Variants in STK24 observed in about 807,000 individuals in gnomAD.
STK24 encodes serine/threonine-protein kinase 24.
STK24 carries 21 observed loss-of-function variants against 55.6 expected under a neutral mutation model. That is an observed-to-expected ratio of 0.38 (90% CI 0.27 to 0.54). The LOEUF (loss-of-function observed/expected upper bound fraction) is 0.54. Ranked by LOEUF, STK24 falls within the 20% of genes least tolerant of loss-of-function variation. The pLI is 0.79. For synonymous variants in STK24, 200 were observed against 215.2 expected (o/e 0.93, Z 0.62); for missense variants, 383 against 538.4 (o/e 0.71, Z 2.86).
chr13:98,561,884 T>A (rs537550060), intron 1 of STK24, among the ~76,000 whole-genome samples: 2 of 141,168 alleles, frequency 1.4e-5, no homozygotes, highest in Non-Finnish European at 3.0e-5. Flanking sequence ...GGCTGAGGCA[T>A]GGGAATCGCT....
chr13:98,566,412 G>C (rs557812749), intron 1 of STK24, among the ~76,000 whole-genome samples: 11 of 152,200 alleles, frequency 7.2e-5, no homozygotes, highest in Non-Finnish European at 1.2e-4. Context: ...TCGGGAGGAA[G>C]GAAAAGAACA....
intron 5 of STK24, among the ~76,000 whole-genome samples, chr13:98,472,239 A>AC (rs757317236): frequency 2.0e-5 from 3 of 152,182 alleles, no homozygotes; most frequent in African/African-American, 4.8e-5. Flanking sequence ...CACAGACGTG[A>AC]CCCTCATCGG....
Position 98,447,169 on chromosome 13 carries a change from G to GC in STK24, c.*6003dup, listed in dbSNP as rs1162471787. 4.8e-6 allele frequency: 1 copy of GC among 208,766 alleles called. No homozygotes were observed. Among genetic ancestry groups the GC allele is most frequent in the African/African-American group, 2.3e-5 (1 of 43,640 alleles). 12.9% of individuals were successfully genotyped at this position (208,766 alleles called of 1,614,324 possible). ...GACTTCATTTAGCCAAGAAAGAAATGCAACAGTCAGGCCTAAGACTGTTCC... is the reference window on the plus strand; with the variant it reads ...GACTTCATTTAGCCAAGAAAGAAATGCCAACAGTCAGGCCTAAGACTGTTCC... On this transcript the variant is annotated 3_prime_UTR_variant, in exon 11 of 11. Transcript: ENST00000539966.
chr13:98,469,240 T>G (rs1180491809), intron 5 of STK24, among the ~76,000 whole-genome samples: 2 of 152,160 alleles, frequency 1.3e-5, no homozygotes, highest in Non-Finnish European at 2.9e-5. Flanking sequence ...GGGCAGCCAG[T>G]ACAGCACCAT....
intron 1 of STK24, among the ~76,000 whole-genome samples, chr13:98,538,040 C>T (rs1478531852): frequency 1.3e-5 from 2 of 152,058 alleles, no homozygotes; most frequent in East Asian, 3.9e-4. Flanking sequence ...AGCTTCCACC[C>T]TGGTTTTCTG....
In STK24 at chr13:98,576,800, GC is replaced by G; in HGVS notation, c.-15del. 7.2e-7 allele frequency: 1 copy of G among 1,382,048 alleles called. No homozygotes were observed. Among genetic ancestry groups the G allele is most frequent in the South Asian group, 1.5e-5 (1 of 67,902 alleles). The allele number at this position is 1,382,048 out of a possible 1,614,324, so 85.6% of individuals were successfully genotyped here. On this transcript the variant is annotated 5_prime_UTR_variant, in exon 1 of 11. Coordinates refer to ENST00000539966, the MANE Select transcript of STK24 (RefSeq NM_001032296.4). ...GGAGTGAGCCATGGCGCTCAGGACGGCCACTTCCTGGGACGGGACGGCCGGG... is the reference window on the plus strand; with the variant it reads ...GGAGTGAGCCATGGCGCTCAGGACGGCACTTCCTGGGACGGGACGGCCGGG...
chr13:98,446,430 GTCT>G lies in STK24; in HGVS notation c.*6740_*6742del, dbSNP rs1892839622. 1 of 603,180 alleles carries G rather than the reference GTCT, an allele frequency of 1.7e-6. No homozygotes were observed. 37.4% of individuals were successfully genotyped at this position (603,180 alleles called of 1,614,324 possible). A position where few individuals can be genotyped will look rare whatever the true frequency, so the allele number is the denominator to read the frequency against. ...ACTTCTGCCCTAGGAAGGGCCACCT[GTCT>G]TCTGCCTGGACAAGGGACGGGGGTT... On this transcript the variant is annotated 3_prime_UTR_variant, in exon 11 of 11. Coordinates refer to ENST00000539966, the MANE Select transcript of STK24 (RefSeq NM_001032296.4).
chr13:98,528,316 C>A (rs573880077), intron 1 of STK24, among the ~76,000 whole-genome samples: 1 of 152,186 alleles, frequency 6.6e-6, no homozygotes, highest in Non-Finnish European at 1.5e-5. Context: ...ACTGATTCTG[C>A]GCTCAATGAG....
At chr13:98,460,531 G>GAC in intron 8 of STK24, 91 bp from the exon 9 acceptor site, 1 of 1,060,380 alleles carries the variant, frequency 9.4e-7, no homozygotes. Flanking sequence ...CTATGGAAGC[G>GAC]CAGGAGTTGC....
At position 98,449,338 on chromosome 13, in the gene STK24, T is replaced by TACTC. The variant is rs1893069928; in HGVS notation, c.*3831_*3834dup. Reference sequence around the variant, plus strand: ...GTCTTCAAAAACATTTCCCTTTTTATACTCATTCCCCCCAGGCATGGGGTA... The same window carrying TACTC: ...GTCTTCAAAAACATTTCCCTTTTTATACTCACTCATTCCCCCCAGGCATGGGGTA... On this transcript the variant is annotated 3_prime_UTR_variant, in exon 11 of 11. Coordinates refer to ENST00000539966, the MANE Select transcript of STK24 (RefSeq NM_001032296.4). The TACTC allele has an allele frequency of 6.6e-6, 1 of 152,208 alleles. No homozygotes were observed. Among genetic ancestry groups the TACTC allele is most frequent in the Non-Finnish European group, 1.5e-5 (1 of 68,046 alleles). 9.4% of individuals were successfully genotyped at this position (152,208 alleles called of 1,614,324 possible). A position where few individuals can be genotyped will look rare whatever the true frequency, so the allele number is the denominator to read the frequency against.
chr13:98,576,240 C>T, intron 1 of STK24: 1 of 984,918 alleles, frequency 1.0e-6, no homozygotes, highest in South Asian at 4.7e-5. Context: ...CCGCTCGGGC[C>T]CGGACGAGTC....
At chr13:98,484,770 GCAA>G (rs1197362084) in intron 2 of STK24, among the ~76,000 whole-genome samples, 2 of 151,830 alleles carry the variant, frequency 1.3e-5, no homozygotes, top group Non-Finnish European at 2.9e-5. Flanking sequence ...GGACGTGCAA[GCAA>G]CAACAGAACA....
At position 98,547,290 on chromosome 13, in the gene STK24, C is replaced by G. The variant is rs564085233; in HGVS notation, c.43-27817G>C. ...GCCAGGCCCAGTGGCTCACACCTGTCAACCTAAGCACTTTGGGAGGCCAAG... is the reference window on the plus strand; with the variant it reads ...GCCAGGCCCAGTGGCTCACACCTGTGAACCTAAGCACTTTGGGAGGCCAAG... On this transcript the variant is annotated intron_variant, in intron 1 of 10. Coordinates refer to ENST00000539966, the MANE Select transcript of STK24 (RefSeq NM_001032296.4). Among the ~76,000 whole-genome samples, 268 of 152,238 alleles carry G rather than the reference C, an allele frequency of 1.8e-3. No individual in the cohort carries two copies. The Middle Eastern group carries it at 0.041, about 23-fold the overall frequency.
intron 2 of STK24, among the ~76,000 whole-genome samples, chr13:98,495,667 C>T (rs1170629332): frequency 6.6e-6 from 1 of 152,206 alleles, no homozygotes; most frequent in East Asian, 1.9e-4. Flanking sequence ...GTGTGTTCAG[C>T]AGAGAGAAAG....
rs1420207559 is a variant in STK24, at chr13:98,446,159, G to C, written c.*7014C>G. Reference sequence around the variant, plus strand: ...AACAGCAACGGGTGGCAGAAGCTGTGGGTGGTGTTCACAAACTTCTGCCTG... The same window carrying C: ...AACAGCAACGGGTGGCAGAAGCTGTCGGTGGTGTTCACAAACTTCTGCCTG... On this transcript the variant is annotated 3_prime_UTR_variant, in exon 11 of 11. Coordinates refer to ENST00000539966, the MANE Select transcript of STK24 (RefSeq NM_001032296.4). 1 of 1,614,028 alleles carries C rather than the reference G, an allele frequency of 6.2e-7. No homozygotes were observed. The highest frequency in any genetic ancestry group is 1.1e-5 in the South Asian group (1 of 91,064).
At chr13:98,505,144 C>T (rs10508036) in intron 2 of STK24, 1 of 152,152 alleles carries the variant, frequency 6.6e-6, no homozygotes, top group South Asian at 2.1e-4. Context: ...TGAACGGGAT[C>T]TCAACTTTCA....
chr13:98,471,830 T>C (rs973403681), intron 5 of STK24, among the ~76,000 whole-genome samples: 2 of 152,204 alleles, frequency 1.3e-5, no homozygotes, highest in Admixed American at 1.3e-4. Context: ...TTTGACAATC[T>C]GCGTGTGAAC....
intron 1 of STK24, among the ~76,000 whole-genome samples, chr13:98,529,483 GTCACACTCA>G (rs1228476692): frequency 6.6e-6 from 1 of 152,142 alleles, no homozygotes; most frequent in African/African-American, 2.4e-5. Context: ...TCACACTGAG[GTCACACTCA>G]GCTTGTGAAT....
At chr13:98,564,268 G>A (rs1438589564) in intron 1 of STK24, among the ~76,000 whole-genome samples, 1 of 152,186 alleles carries the variant, frequency 6.6e-6, no homozygotes, top group Non-Finnish European at 1.5e-5. Flanking sequence ...TTTCATCAGT[G>A]GGAAAAACAC....
Sources: gnomAD v4.1 joint callset for allele counts (sites outside exome capture counted in the v4.1 genomes callset) on GRCh38, gnomAD v4.1.1 for gene constraint, MANE v1.5 for transcripts, NCBI Gene and HGNC (gene_info 2026-07-23, HGNC 2026-07-21) for gene names.